The following PDZRN3 variants were observed in gnomAD, a reference collection of about 807,000 sequenced individuals.
The protein encoded by PDZRN3 is PDZ domain containing ring finger 3.
Under a neutral mutation model 85.7 loss-of-function variants are expected in PDZRN3, and 38 were observed. The observed-to-expected ratio is 0.44, with a 90% CI of 0.34 to 0.58. The LOEUF (loss-of-function observed/expected upper bound fraction) is 0.58. PDZRN3 is among the 20% of genes least tolerant of loss of function. The pLI is 0.01. For synonymous variants in PDZRN3, 759 were observed against 638.0 expected, an observed-to-expected ratio of 1.19 and a Z score of -2.86; for missense variants, 1,629 against 1,506.4, an observed-to-expected ratio of 1.08 and a Z score of -1.35.
At chr3:73,583,242 C>T (rs534748814) in intron 3 of PDZRN3, among the ~76,000 whole-genome samples, 9 of 152,286 alleles carry the variant, frequency 5.9e-5, no homozygotes, top group South Asian at 2.1e-4. Flanking sequence ...CCCAAGGCTA[C>T]GTAGCAAAAA....
At chr3:73,611,332 A>G (rs1040064219) in intron 1 of PDZRN3, among the ~76,000 whole-genome samples, 3 of 152,230 alleles carry the variant, frequency 2.0e-5, no homozygotes, top group Non-Finnish European at 4.4e-5. Context: ...CCCTGACCTC[A>G]GAGATCTCTC....
intron 3 of PDZRN3, among the ~76,000 whole-genome samples, chr3:73,564,290 T>C (rs950952695): frequency 2.0e-5 from 3 of 152,204 alleles, no homozygotes; most frequent in Non-Finnish European, 2.9e-5. Flanking sequence ...ACCTTAGCTG[T>C]TCTCTGCCCT....
rs749024269 is a variant in PDZRN3, at chr3:73,384,380, T to C, written c.2186A>G (p.Tyr729Cys). The C allele has an allele frequency of 8.7e-6, 14 of 1,609,232 alleles. No homozygotes were observed. Among genetic ancestry groups the C allele is most frequent in the Admixed American group, 6.7e-5 (4 of 60,004 alleles). ...WMLHNSGFRNYNTSIDVRRHE... is the reference protein window; with the variant it reads ...WMLHNSGFRNCNTSIDVRRHE... Reference sequence around the variant, plus strand: ...TCTGCGCACGTCGATGCTGGTGTTGTAGTTGCGGAAGCCGCTGTTGTGCAG... The same window carrying C: ...TCTGCGCACGTCGATGCTGGTGTTGCAGTTGCGGAAGCCGCTGTTGTGCAG... Residue 729 changes from tyrosine (Y) to cysteine (C), a missense_variant, in exon 10 of 10, where the codon TAC becomes TGC. Transcript: ENST00000263666.
intron 5 of PDZRN3, among the ~76,000 whole-genome samples, chr3:73,397,674 C>T (rs933402582): frequency 4.6e-5 from 7 of 152,212 alleles, no homozygotes; most frequent in African/African-American, 1.7e-4. Context: ...TAGGCCTTAG[C>T]TGATATGTTC....
At chr3:73,582,845 C>A (rs1204960070) in intron 3 of PDZRN3, among the ~76,000 whole-genome samples, 1 of 152,120 alleles carries the variant, frequency 6.6e-6, no homozygotes, top group Non-Finnish European at 1.5e-5. Context: ...TAGGAAACAG[C>A]CCATTCCTCC....
intron 3 of PDZRN3, among the ~76,000 whole-genome samples, chr3:73,489,063 T>C (rs977696879): frequency 2.0e-5 from 3 of 152,208 alleles, no homozygotes; most frequent in Non-Finnish European, 4.4e-5. Context: ...CTGCAGGCCC[T>C]TGGGATGGGG....
At chr3:73,563,882 T>C (rs1428261726) in intron 3 of PDZRN3, among the ~76,000 whole-genome samples, 1 of 152,190 alleles carries the variant, frequency 6.6e-6, no homozygotes, top group Non-Finnish European at 1.5e-5. Flanking sequence ...GATGCAGAGG[T>C]AGGACTTGAG....
intron 3 of PDZRN3, among the ~76,000 whole-genome samples, chr3:73,502,668 G>A (rs1033937941): frequency 6.6e-6 from 1 of 152,198 alleles, no homozygotes; most frequent in African/African-American, 2.4e-5. Context: ...TGTAAGAAAT[G>A]ACAAATTTCA....
chr3:73,390,154 T>C (rs1701491338), intron 6 of PDZRN3, among the ~76,000 whole-genome samples: 1 of 152,218 alleles, frequency 6.6e-6, no homozygotes, highest in African/African-American at 2.4e-5. Flanking sequence ...CAGCTGACTT[T>C]TGTTGCATGC....
At chr3:73,616,489 A>G (rs1047537369) in intron 1 of PDZRN3, among the ~76,000 whole-genome samples, 9 of 152,210 alleles carry the variant, frequency 5.9e-5, no homozygotes, top group South Asian at 2.1e-4. Context: ...CCACCTTTAC[A>G]TCTTAGCCCA....
intron 3 of PDZRN3, among the ~76,000 whole-genome samples, chr3:73,460,316 T>C (rs1703078337): frequency 6.6e-6 from 1 of 152,192 alleles, no homozygotes. Flanking sequence ...ATTCTCTCCA[T>C]TGATCCTTCC....
chr3:73,456,876 C>T (rs182336916), intron 3 of PDZRN3, among the ~76,000 whole-genome samples: 1 of 151,822 alleles, frequency 6.6e-6, no homozygotes, highest in African/African-American at 2.4e-5. Flanking sequence ...AACTTGATTT[C>T]TGTGCTACGA....
At chr3:73,404,601 G>T in intron 3 of PDZRN3, 1 of 527,162 alleles carries the variant, frequency 1.9e-6, no homozygotes, top group Non-Finnish European at 3.3e-6. Flanking sequence ...GATCTGGCAT[G>T]CAATAATAAA....
chr3:73,618,531 G>A (rs1214469217), intron 1 of PDZRN3, among the ~76,000 whole-genome samples: 3 of 152,172 alleles, frequency 2.0e-5, no homozygotes, highest in Non-Finnish European at 4.4e-5. Context: ...AGAAGATAAT[G>A]TATGCACATA....
chr3:73,579,053 T>A (rs757183782), intron 3 of PDZRN3, among the ~76,000 whole-genome samples: 3 of 152,178 alleles, frequency 2.0e-5, no homozygotes, highest in Non-Finnish European at 4.4e-5. Context: ...CAAATTCATA[T>A]GTTGGACTCT....
At chr3:73,469,317 C>T (rs562527055) in intron 3 of PDZRN3, among the ~76,000 whole-genome samples, 25 of 152,210 alleles carry the variant, frequency 1.6e-4, no homozygotes, top group Admixed American at 1.0e-3. Flanking sequence ...GTGATCCATC[C>T]GCCTCAGCCT....
At chr3:73,413,703 AG>A in intron 3 of PDZRN3, among the ~76,000 whole-genome samples, 1 of 152,300 alleles carries the variant, frequency 6.6e-6, no homozygotes, top group East Asian at 1.9e-4. Context: ...CGGTGACTGT[AG>A]GATGCCAAGA....
At chr3:73,563,681 C>T (rs531933120) in intron 3 of PDZRN3, among the ~76,000 whole-genome samples, 34 of 152,102 alleles carry the variant, frequency 2.2e-4, no homozygotes, top group African/African-American at 6.3e-4. Context: ...TCATGACTGA[C>T]GCTATATGGC....
At chr3:73,566,114 T>C (rs1701945689) in intron 3 of PDZRN3, among the ~76,000 whole-genome samples, 1 of 152,202 alleles carries the variant, frequency 6.6e-6, no homozygotes, top group Non-Finnish European at 1.5e-5. Context: ...GATCATTGTT[T>C]GACAATTTTA....
Sources: allele counts gnomAD v4.1 joint callset (sites outside exome capture counted in the v4.1 genomes callset), GRCh38; gene constraint gnomAD v4.1.1; transcripts MANE v1.5; gene names NCBI Gene and HGNC (gene_info 2026-07-23, HGNC 2026-07-21).